The following SORD variants were observed in gnomAD, a reference collection of about 807,000 sequenced individuals.
The protein encoded by SORD is sorbitol dehydrogenase.
In SORD, 18 loss-of-function variants were observed where a neutral mutation model predicts 35.6. The observed-to-expected ratio is 0.51, with a 90% CI of 0.35 to 0.75. The LOEUF (loss-of-function observed/expected upper bound fraction) is 0.75. SORD is among the 30% of genes least tolerant of loss of function. The probability of loss-of-function intolerance (pLI) is 0.01; values close to 1 mark genes in which losing one functional copy is unlikely to be tolerated. For synonymous variants in SORD, 106 were observed against 152.9 expected (o/e 0.69, Z 2.26); for missense variants, 250 against 390.2 (o/e 0.64, Z 3.03).
intron 1 of SORD, 146 bp downstream of exon 1, chr15:45,023,495 C>G: frequency 4.6e-6 from 3 of 654,394 alleles, no homozygotes; most frequent in Non-Finnish European, 4.7e-6. Flanking sequence ...TGGTTCCCCT[C>G]GGGGTGTGGG....
intron 1 of SORD, among the ~76,000 whole-genome samples, chr15:45,025,456 G>A (rs950431118): frequency 5.9e-5 from 9 of 151,922 alleles, no homozygotes; most frequent in African/African-American, 2.2e-4. Context: ...TGGCCAACAC[G>A]GTGAAACTGT....
At chr15:45,052,028 T>A (rs2467843) in intron 3 of SORD, among the ~76,000 whole-genome samples, 133,251 of 151,870 alleles carry the variant, frequency 0.88, 58,488 homozygotes, top group Middle Eastern at 0.92. Context: ...AACAATCCTT[T>A]ATTTCTAGGC....
At chr15:45,056,515 T>C (rs1280337805) in intron 3 of SORD, among the ~76,000 whole-genome samples, 1 of 152,224 alleles carries the variant, frequency 6.6e-6, no homozygotes, top group Non-Finnish European at 1.5e-5. Flanking sequence ...GAACATTCCA[T>C]GCTCATGGGT....
intron 2 of SORD, among the ~76,000 whole-genome samples, chr15:45,042,208 C>T (rs1464190873): frequency 6.6e-6 from 1 of 152,074 alleles, no homozygotes; most frequent in East Asian, 1.9e-4. Context: ...ACTTAGAAAA[C>T]TGGCCAGGCG....
intron 1 of SORD, among the ~76,000 whole-genome samples, chr15:45,036,755 C>G (rs1043802819): frequency 1.3e-5 from 2 of 151,836 alleles, no homozygotes; most frequent in African/African-American, 4.8e-5. Flanking sequence ...GTTTAGGAAA[C>G]CTTTAATATG....
chr15:45,066,269 TA>T (rs1893403333), intron 5 of SORD, among the ~76,000 whole-genome samples: 1 of 150,418 alleles, frequency 6.6e-6, no homozygotes, highest in Non-Finnish European at 1.5e-5. Context: ...AAAAAGGAAT[TA>T]ATCTGGCGAT....
At chr15:45,036,008 C>G (rs1423028736) in intron 1 of SORD, among the ~76,000 whole-genome samples, 3 of 151,798 alleles carry the variant, frequency 2.0e-5, no homozygotes, top group African/African-American at 7.3e-5. Context: ...CCAGGGAGAC[C>G]ACGAACCCAC....
At chr15:45,055,574 G>T (rs1034220423) in intron 3 of SORD, among the ~76,000 whole-genome samples, 1 of 152,152 alleles carries the variant, frequency 6.6e-6, no homozygotes, top group African/African-American at 2.4e-5. Context: ...AGGAGGAACT[G>T]GTACCATTCC....
At chr15:45,037,457 G>C (rs1892886979) in intron 1 of SORD, among the ~76,000 whole-genome samples, 1 of 152,174 alleles carries the variant, frequency 6.6e-6, no homozygotes, top group African/African-American at 2.4e-5. Flanking sequence ...TGGAGGCAAG[G>C]CTATGAATTG....
At chr15:45,065,431 G>A (rs1893389347) in intron 5 of SORD, 42 bp downstream of exon 5, 2 of 1,561,986 alleles carry the variant, frequency 1.3e-6, no homozygotes, top group Admixed American at 2.0e-5. Context: ...CATTGACTGG[G>A]AATTCAGGGA....
intron 1 of SORD, among the ~76,000 whole-genome samples, chr15:45,032,683 A>C (rs1892805245): frequency 6.6e-6 from 1 of 152,136 alleles, no homozygotes; most frequent in Admixed American, 6.6e-5. Flanking sequence ...AACAAAGTTG[A>C]ATGGAGCCAG....
rs763073956 is a variant in SORD, at chr15:45,055,083, G to A, written c.266-5984G>A. On this transcript the variant is annotated intron_variant, in intron 3 of 8. Coordinates refer to ENST00000267814, the MANE Select transcript of SORD (RefSeq NM_003104.6). ...ATAGTTTGAAGTCAGGTAGCGTGAT[G>A]CCTCCAGCTTTGTTCTTTTGGCTTA... Among the ~76,000 whole-genome samples the A allele has an allele frequency of 4.3e-3, 661 of 152,206 alleles. 3 individuals are homozygous for A. Among genetic ancestry groups the A allele is most frequent in the Non-Finnish European group, 7.2e-3 (492 of 67,990 alleles).
chr15:45,029,842 A>G (rs1039339470), intron 1 of SORD, among the ~76,000 whole-genome samples: 1 of 152,260 alleles, frequency 6.6e-6, no homozygotes, highest in African/African-American at 2.4e-5. Context: ...TCTTCCCAGA[A>G]GTCAGGTTGT....
rs752301715 is a variant in SORD, at chr15:45,061,183, A to C, written c.382A>C (p.Asn128His). ...FFCATPPDDG[N>H]LCRFYKHNAA... is the part of the protein sequence containing the mutation. ...CTGTGCCACGCCCCCCGATGACGGG[A>C]ACCTCTGCCGGTTCTATAAGCACAA... is the stretch of plus-strand genomic sequence containing the variant. Residue 128 changes from asparagine to histidine, a missense_variant, in exon 4 of 9, where the codon AAC becomes CAC. Asn to His is a moderately conservative substitution (Grantham distance 68). Around this residue, in one of 8 missense-constraint regions of SORD, gnomAD observed 126 missense variants for 148.7 expected, o/e 0.85. Transcript: ENST00000267814. The C allele has an allele frequency of 2.5e-6, 4 of 1,614,178 alleles. No homozygotes were observed. The highest frequency in any genetic ancestry group is 1.7e-5 in the Admixed American group (1 of 60,000).
intron 1 of SORD, among the ~76,000 whole-genome samples, chr15:45,029,419 A>T (rs1416690475): frequency 6.6e-6 from 1 of 151,920 alleles, no homozygotes; most frequent in Admixed American, 6.5e-5. Context: ...GGGAGGGAGC[A>T]CATGAATGAG....
At position 45,063,330 on chromosome 15, in the gene SORD, C is replaced by G. The variant is rs111482155; in HGVS notation, c.426-1941C>G. Among the ~76,000 whole-genome samples, 1,004 of 152,198 alleles carry G rather than the reference C, an allele frequency of 6.6e-3. 11 individuals carry two copies. The highest frequency in any genetic ancestry group is 0.023 in the African/African-American group (966 of 41,492). On this transcript the variant is annotated intron_variant, in intron 4 of 8. Transcript: ENST00000267814. ...TACCCAATTTGGACTGTTCCCTGAA[C>G]CCCATTGTAAAAACTACCAAGTTGC...
chr15:45,046,196 G>T (rs1893043209), intron 3 of SORD, among the ~76,000 whole-genome samples: 1 of 151,880 alleles, frequency 6.6e-6, no homozygotes, highest in South Asian at 2.1e-4. Context: ...CACTGGACAG[G>T]AGAGAAAGCA....
chr15:45,041,580 A>C (rs1290707320), intron 2 of SORD: 2 of 152,232 alleles, frequency 1.3e-5, no homozygotes, highest in East Asian at 3.8e-4. Flanking sequence ...GACTAGATAG[A>C]ATATAGCCAT....
At chr15:45,031,314 C>A (rs796389898) in intron 1 of SORD, among the ~76,000 whole-genome samples, 3 of 86,290 alleles carry the variant, frequency 3.5e-5, no homozygotes, top group African/African-American at 4.6e-4. Flanking sequence ...TCTCTTAAAA[C>A]AACAACAACG....
Sources: gnomAD v4.1 joint callset for allele counts (sites outside exome capture counted in the v4.1 genomes callset) on GRCh38, gnomAD v4.1.1 for gene constraint, gnomAD v4.1.1 regional missense constraint, MANE v1.5 for transcripts, NCBI Gene and HGNC (gene_info 2026-07-23, HGNC 2026-07-21) for gene names.